NOC3L: variants seen among roughly 807,000 people sequenced by gnomAD.
NOC3L encodes the protein nucleolar complex protein 3 homolog.
Under a neutral mutation model 102.5 loss-of-function variants are expected in NOC3L, and 85 were observed. That is an observed-to-expected ratio of 0.83 (90% CI 0.70 to 0.99). NOC3L has a LOEUF of 0.99. NOC3L is among the 50% of genes least tolerant of loss of function. The pLI, the probability that NOC3L is intolerant of heterozygous loss-of-function variation, is 0.00. For synonymous variants in NOC3L, 303 were observed against 309.4 expected (o/e 0.98, Z 0.22); for missense variants, 878 against 914.9 (o/e 0.96, Z 0.52).
At chr10:94,322,039 G>A in the NOC3L span, 1 of 1,614,142 alleles carries the variant, frequency 6.2e-7, no homozygotes, top group Admixed American at 1.7e-5. Flanking sequence ...CGTCAGCACT[G>A]CACAGGATGT....
the NOC3L span, chr10:94,324,475 C>A: frequency 1.2e-6 from 2 of 1,614,058 alleles, no homozygotes; most frequent in South Asian, 2.2e-5. Flanking sequence ...GTCCTCTCAG[C>A]GGGTCCTTCT....
At chr10:94,319,759 G>A in the NOC3L span, among the ~76,000 whole-genome samples, 1 of 151,952 alleles carries the variant, frequency 6.6e-6, no homozygotes, top group Admixed American at 6.6e-5. Context: ...TTAGTAAAAA[G>A]GGATATAAGT....
At chr10:94,341,915 C>A (rs1214014841) in intron 13 of NOC3L, among the ~76,000 whole-genome samples, 170 bp from the exon 14 acceptor site, 3 of 152,166 alleles carry the variant, frequency 2.0e-5, no homozygotes, top group African/African-American at 7.2e-5. Context: ...GCCTCTTCAA[C>A]AATTCATACA....
rs544453709 is a variant in NOC3L, at chr10:94,335,924, G to A, written c.2190-1206C>T. Among the ~76,000 whole-genome samples, 14 of 152,156 alleles carry A rather than the reference G, an allele frequency of 9.2e-5. No homozygotes were observed. In the South Asian group the frequency reaches 2.5e-3, roughly 27 times the overall value. ...TGTGTCCCCTCCAAAATTCAGATAC[G>A]GAAACTTAACAGTCAATGTGATGGT... On this transcript the variant is annotated intron_variant, in intron 19 of 20. Transcript: ENST00000371361.
chr10:94,335,942 G>A (rs1472756848), intron 19 of NOC3L, among the ~76,000 whole-genome samples: 1 of 152,178 alleles, frequency 6.6e-6, no homozygotes, highest in Admixed American at 6.5e-5. Context: ...AACAGTCAAT[G>A]TGATGGTATT....
intron 2 of NOC3L, among the ~76,000 whole-genome samples, chr10:94,361,011 T>C (rs953178262): frequency 6.6e-6 from 1 of 152,056 alleles, no homozygotes; most frequent in South Asian, 2.1e-4. Context: ...ACCCTGTCTA[T>C]TTAAAATAAT....
the NOC3L span, chr10:94,315,195 G>C: frequency 3.0e-3 from 989 of 328,926 alleles, 13 homozygotes; most frequent in African/African-American, 0.019. Context: ...ATAGACCAAG[G>C]GCTGGGGTGG....
chr10:94,316,525 T>A, the NOC3L span: 17 of 1,546,320 alleles, frequency 1.1e-5, no homozygotes, highest in Middle Eastern at 2.3e-4. Flanking sequence ...CACTCCTCAG[T>A]TTGCCTTCAC....
rs756362237 is a variant in NOC3L, at chr10:94,339,723, T to C, written c.1962+16A>G. ...ATTATAAGAACTTAGCTCTGTTCAT[T>C]TGTATCACTACTTACATGCATTAAT... On this transcript the variant is annotated intron_variant, in intron 17 of 20. Transcript: ENST00000371361. The C allele has an allele frequency of 2.2e-5, 36 of 1,601,484 alleles. No individual in the cohort carries two copies. The highest frequency in any genetic ancestry group is 1.4e-4 in the Admixed American group (8 of 58,384).
In NOC3L at chr10:94,350,112, C is replaced by A. The variant is rs1174121822; in HGVS notation, c.1128+1G>T. ...AGCAATAACCATTTACAGCAACTCA[C>A]CAATTTTGACATGTCATTCATGAGA... On this transcript the variant is annotated splice_donor_variant, in intron 9 of 20. Transcript: ENST00000371361. LOFTEE classifies it high-confidence loss of function. 1.2e-6 allele frequency: 2 copies of A among 1,613,818 alleles called. No individual in the cohort carries two copies. Among genetic ancestry groups the A allele is most frequent in the Non-Finnish European group, 8.5e-7 (1 of 1,179,866 alleles).
chr10:94,326,871 G>T, the NOC3L span, among the ~76,000 whole-genome samples: 419 of 152,266 alleles, frequency 2.8e-3, no homozygotes, highest in African/African-American at 9.1e-3. Context: ...TTAAAGCTGG[G>T]GAGGCCTGGC....
Position 94,346,462 on chromosome 10 carries a change from T to C in NOC3L, c.1352A>G (p.Lys451Arg). Residue 451 changes from lysine (K) to arginine (R), a missense_variant, in exon 11 of 21, where the codon AAA becomes AGA. Transcript: ENST00000371361. ...TCTTGATAGAGATTTTCTCTTTTCT[T>C]TGAAAGTCATAAATTTTTTTGGTTT... is the stretch of plus-strand genomic sequence containing the variant. ...INKPKKFMTF[K>R]EKRKSLSRMQ... The C allele has an allele frequency of 6.6e-7, 1 of 1,518,776 alleles. No individual in the cohort carries two copies. Among genetic ancestry groups the C allele is most frequent in the Non-Finnish European group, 8.8e-7 (1 of 1,130,646 alleles). 94.1% of individuals were successfully genotyped at this position (1,518,776 alleles called of 1,614,324 possible). A position where few individuals can be genotyped will look rare whatever the true frequency, so the allele number is the denominator to read the frequency against.
intron 10 of NOC3L, 36 bp from the exon 11 acceptor site, chr10:94,346,592 A>T: frequency 8.5e-7 from 1 of 1,174,952 alleles, no homozygotes; most frequent in Non-Finnish European, 1.1e-6. Context: ...ATACAGCTTA[A>T]TATTTATATT....
chr10:94,334,320 A>C lies in NOC3L; in HGVS notation c.2275-15T>G. The C allele has an allele frequency of 6.5e-7, 1 of 1,530,258 alleles. No homozygotes were observed. The highest frequency in any genetic ancestry group is 9.0e-7 in the Non-Finnish European group (1 of 1,110,424). The allele number at this position is 1,530,258 out of a possible 1,614,324, so 94.8% of individuals were successfully genotyped here. ...AAAAATTTACCCTAGGAAAATATTT[A>C]AAGTATGAGTTAGAAGTTACTTATG... On this transcript the variant is annotated splice_polypyrimidine_tract_variant and intron_variant, in intron 20 of 20. Coordinates refer to ENST00000371361, the MANE Select transcript of NOC3L (RefSeq NM_022451.11).
chr10:94,315,401 A>G, the NOC3L span: 1 of 455,960 alleles, frequency 2.2e-6, no homozygotes, highest in East Asian at 6.9e-5. Flanking sequence ...CGGGAAGGCA[A>G]CAAAGGGAGT....
intron 20 of NOC3L, 73 bp downstream of exon 20, chr10:94,334,560 CA>C: frequency 2.8e-6 from 3 of 1,084,612 alleles, no homozygotes; most frequent in Non-Finnish European, 4.1e-6. Context: ...AATAATTAAG[CA>C]AACTGGAGTT....
chr10:94,353,757 C>A lies in NOC3L; in HGVS notation c.697-700G>T, dbSNP rs375986910. 1.8e-3 allele frequency among the ~76,000 whole-genome samples: 273 copies of A among 152,222 alleles called. 2 individuals are homozygous for A. The highest frequency in any genetic ancestry group is 6.0e-3 in the African/African-American group (251 of 41,540). ...TTTTTTGCTGGATTTTCCTAAAGTA[C>A]GTGTGTCCTATTCTTCTAAAAACGC... is the stretch of plus-strand genomic sequence containing the variant. On this transcript the variant is annotated intron_variant, in intron 6 of 20. Coordinates refer to ENST00000371361, the MANE Select transcript of NOC3L (RefSeq NM_022451.11).
the NOC3L span, among the ~76,000 whole-genome samples, chr10:94,319,864 CTTTTTTTTT>C: frequency 9.7e-5 from 9 of 92,938 alleles, no homozygotes; most frequent in East Asian, 3.3e-4. Context: ...CAAAGGTGCT[CTTTTTTTTT>C]TTTTTTTTTT....
chr10:94,333,169 G>A (rs2054178784), downstream of NOC3L: 1 of 152,108 alleles, frequency 6.6e-6, no homozygotes, highest in Non-Finnish European at 1.5e-5. Context: ...CAAACAGTAA[G>A]AGATCTCTTT....
Sources: gnomAD v4.1 joint callset for allele counts (sites outside exome capture counted in the v4.1 genomes callset) on GRCh38, gnomAD v4.1.1 for gene constraint, MANE v1.5 for transcripts, NCBI Gene and HGNC (gene_info 2026-07-23, HGNC 2026-07-21) for gene names.